GFRAL: variants seen among roughly 807,000 people sequenced by gnomAD.
GFRAL encodes GDNF family receptor alpha-like.
Under a neutral mutation model 45.4 loss-of-function variants are expected in GFRAL, and 36 were observed. The ratio of observed to expected loss-of-function variants is 0.79; its 90% confidence interval spans 0.61 to 1.05. The LOEUF (loss-of-function observed/expected upper bound fraction) is 1.05. Ranked by LOEUF, GFRAL falls within the 50% of genes least tolerant of loss-of-function variation. The pLI is 0.00. For synonymous variants in GFRAL, 166 were observed against 154.1 expected, an observed-to-expected ratio of 1.08 and a Z score of -0.57; for missense variants, 507 against 467.5, an observed-to-expected ratio of 1.08 and a Z score of -0.78.
chr6:55,366,030 T>C (rs1250367461), intron 6 of GFRAL, among the ~76,000 whole-genome samples: 3 of 150,950 alleles, frequency 2.0e-5, no homozygotes, highest in Non-Finnish European at 4.4e-5. Context: ...AGTTCCTCCT[T>C]GTACCTCTGG....
chr6:55,343,234 G>A (rs1767993926), intron 3 of GFRAL, among the ~76,000 whole-genome samples: 1 of 152,146 alleles, frequency 6.6e-6, no homozygotes, highest in South Asian at 2.1e-4. Context: ...ATTCTTCTCA[G>A]CACCATATCA....
intron 6 of GFRAL, among the ~76,000 whole-genome samples, chr6:55,380,477 C>A (rs559529092): frequency 1.3e-5 from 2 of 152,028 alleles, no homozygotes; most frequent in South Asian, 4.1e-4. Flanking sequence ...AATTCTAATT[C>A]AGTAGGCCTG....
chr6:55,378,951 A>G (rs990371282), intron 6 of GFRAL, among the ~76,000 whole-genome samples: 1 of 151,962 alleles, frequency 6.6e-6, no homozygotes, highest in African/African-American at 2.4e-5. Flanking sequence ...AATATCCAAT[A>G]GGTGCTAAAT....
intron 6 of GFRAL, among the ~76,000 whole-genome samples, chr6:55,384,925 TG>T (rs1768660098): frequency 1.3e-5 from 2 of 151,580 alleles, no homozygotes; most frequent in African/African-American, 4.8e-5. Flanking sequence ...GCTCCAACCT[TG>T]CTGATGGTAT....
chr6:55,329,014 T>G (rs1313246238), intron 1 of GFRAL, among the ~76,000 whole-genome samples: 1 of 152,096 alleles, frequency 6.6e-6, no homozygotes, highest in African/African-American at 2.4e-5. Flanking sequence ...TTTAAAACAC[T>G]GATATAATTT....
intron 3 of GFRAL, among the ~76,000 whole-genome samples, chr6:55,348,258 G>GTGTGTA (rs398065821): frequency 1.4e-5 from 2 of 147,390 alleles, no homozygotes; most frequent in African/African-American, 5.0e-5. Context: ...GTGTGTGTGT[G>GTGTGTA]TATGTGTAAA....
At chr6:55,398,814 A>G (rs1284345780) in intron 6 of GFRAL, among the ~76,000 whole-genome samples, 1 of 152,190 alleles carries the variant, frequency 6.6e-6, no homozygotes, top group East Asian at 1.9e-4. Flanking sequence ...GTGCAGAGGT[A>G]CATTAAAATA....
intron 6 of GFRAL, among the ~76,000 whole-genome samples, chr6:55,364,314 G>C (rs1293603970): frequency 6.6e-6 from 1 of 150,676 alleles, no homozygotes; most frequent in Non-Finnish European, 1.5e-5. Flanking sequence ...ATTTGTTTTA[G>C]TTCATTGTAG....
At chr6:55,361,782 T>C (rs1057417626) in intron 6 of GFRAL, among the ~76,000 whole-genome samples, 29 of 152,040 alleles carry the variant, frequency 1.9e-4, no homozygotes, top group African/African-American at 6.5e-4. Flanking sequence ...CCTAGCACTC[T>C]CATGAATTTT....
intron 3 of GFRAL, among the ~76,000 whole-genome samples, chr6:55,334,161 C>T (rs183167406): frequency 6.6e-6 from 1 of 152,114 alleles, no homozygotes; most frequent in Non-Finnish European, 1.5e-5. Flanking sequence ...CCTTGGGGTT[C>T]TGTGAGCCAT....
intron 3 of GFRAL, among the ~76,000 whole-genome samples, chr6:55,342,960 T>C (rs1478509551): frequency 2.0e-5 from 3 of 152,080 alleles, no homozygotes; most frequent in Non-Finnish European, 4.4e-5. Flanking sequence ...AGGGATCAAT[T>C]GAACAAGAAG....
At position 55,333,934 on chromosome 6, in the gene GFRAL, C is replaced by G. The variant is rs772537362; in HGVS notation, c.306C>G (p.Ile102Met). 2.0e-5 allele frequency: 30 copies of G among 1,525,392 alleles called. No individual in the cohort carries two copies. Among genetic ancestry groups the G allele is most frequent in the Non-Finnish European group, 2.6e-5 (29 of 1,131,880 alleles). The allele number at this position is 1,525,392 out of a possible 1,614,324, so 94.5% of individuals were successfully genotyped here. A position where few individuals can be genotyped will look rare whatever the true frequency, so the allele number is the denominator to read the frequency against. Residue 102 changes from isoleucine to methionine, a missense_variant, in exon 3 of 9, where the codon ATC (isoleucine) becomes ATG (methionine). By Grantham distance (10) the Ile-to-Met change is conservative (BLOSUM62 1). Coordinates refer to ENST00000340465, the MANE Select transcript of GFRAL (RefSeq NM_207410.2). ...ACAAACTGCTTGGAAAAAAATGTAT[C>G]AATAAATCAGGTAATATTTTGTTTT... ...TVNKLLGKKC[I>M]NKSDNVKEDK...
At chr6:55,353,404 CCTATAGCACACATT>C (rs1274993262) in intron 5 of GFRAL, among the ~76,000 whole-genome samples, 3 of 151,956 alleles carry the variant, frequency 2.0e-5, no homozygotes, top group African/African-American at 7.2e-5. Context: ...GAACTGCTTC[CCTATAGCACACATT>C]CTATGAAATA....
chr6:55,335,042 G>A (rs1177530020), intron 3 of GFRAL, among the ~76,000 whole-genome samples: 1 of 152,064 alleles, frequency 6.6e-6, no homozygotes, highest in Non-Finnish European at 1.5e-5. Flanking sequence ...TTATGAAATT[G>A]TGGGGTCACA....
In GFRAL at chr6:55,327,587, G is replaced by C. The variant is rs369081537; in HGVS notation, c.22+11G>C. On this transcript the variant is annotated intron_variant, in intron 1 of 8. Transcript: ENST00000340465. ...TGTTTATTTTCTTGGGTAAGTGAAT[G>C]GTGCTTCTGGTTTATCTGAATTATT... 1 of 1,610,660 alleles carries C rather than the reference G, an allele frequency of 6.2e-7. No individual in the cohort carries two copies. The highest frequency in any genetic ancestry group is 8.5e-7 in the Non-Finnish European group (1 of 1,177,372).
At chr6:55,371,081 A>G (rs1581752961) in intron 6 of GFRAL, among the ~76,000 whole-genome samples, 2 of 152,310 alleles carry the variant, frequency 1.3e-5, no homozygotes, top group South Asian at 4.1e-4. Flanking sequence ...ATCCACAGAT[A>G]TATATTTTTT....
chr6:55,370,901 G>A (rs1471694546), intron 6 of GFRAL, among the ~76,000 whole-genome samples: 2 of 152,206 alleles, frequency 1.3e-5, no homozygotes, highest in Non-Finnish European at 2.9e-5. Context: ...CTCAGCACAT[G>A]TGTGTTTCTG....
chr6:55,371,825 T>A (rs1768454504), intron 6 of GFRAL, among the ~76,000 whole-genome samples: 1 of 152,176 alleles, frequency 6.6e-6, no homozygotes, highest in African/African-American at 2.4e-5. Context: ...TTCAAGAATC[T>A]CTATTTGTAC....
chr6:55,342,051 G>T (rs150001210), intron 3 of GFRAL, among the ~76,000 whole-genome samples: 19 of 152,324 alleles, frequency 1.2e-4, no homozygotes, highest in Non-Finnish European at 2.5e-4. Flanking sequence ...CATCTGATTG[G>T]TGTACCTGAA....
Sources: gnomAD v4.1 joint callset for allele counts (sites outside exome capture counted in the v4.1 genomes callset) on GRCh38, gnomAD v4.1.1 for gene constraint, MANE v1.5 for transcripts, NCBI Gene and HGNC (gene_info 2026-07-23, HGNC 2026-07-21) for gene names.